CCDC73: variants seen among roughly 807,000 people sequenced by gnomAD.
CCDC73 encodes the protein coiled-coil domain containing 73.
Under a neutral mutation model 116.5 loss-of-function variants are expected in CCDC73, and 95 were observed. The ratio of observed to expected loss-of-function variants is 0.82; its 90% CI spans 0.69 to 0.97. The LOEUF (loss-of-function observed/expected upper bound fraction) is 0.97. CCDC73 is among the 50% of genes least tolerant of loss of function. The pLI is 0.00. For missense variants in CCDC73, 1,066 were observed against 1,206.8 expected, an observed-to-expected ratio of 0.88 and a Z score of 1.73; for synonymous variants, 398 against 401.3, an observed-to-expected ratio of 0.99 and a Z score of 0.10.
At chr11:32,772,682 T>C (rs552369223) in intron 1 of CCDC73, among the ~76,000 whole-genome samples, 3 of 152,300 alleles carry the variant, frequency 2.0e-5, no homozygotes, top group South Asian at 4.1e-4. Context: ...AAAACAAATA[T>C]AGCAGATTTT....
chr11:32,795,990 C>A (rs1437548134), upstream of CCDC73, among the ~76,000 whole-genome samples: 1 of 151,848 alleles, frequency 6.6e-6, no homozygotes, highest in Non-Finnish European at 1.5e-5. Flanking sequence ...GCAGCCGGCC[C>A]CCCGCCCTCA....
At chr11:32,726,630 A>G (rs1460201033) in intron 2 of CCDC73, among the ~76,000 whole-genome samples, 1 of 152,178 alleles carries the variant, frequency 6.6e-6, no homozygotes, top group East Asian at 1.9e-4. Flanking sequence ...AGAAATGCAG[A>G]AAACACATTC....
chr11:32,706,133 T>C (rs1033937143), intron 3 of CCDC73, among the ~76,000 whole-genome samples: 1 of 152,088 alleles, frequency 6.6e-6, no homozygotes, highest in Non-Finnish European at 1.5e-5. Context: ...GACTAAATCT[T>C]TCAGGGGCTA....
At chr11:32,623,710 T>C (rs1420176194) in intron 14 of CCDC73, among the ~76,000 whole-genome samples, 3 of 152,156 alleles carry the variant, frequency 2.0e-5, no homozygotes, top group East Asian at 3.8e-4. Flanking sequence ...AGTATGAGTT[T>C]AAACCAATCT....
At chr11:32,822,462 C>T in the CCDC73 span, among the ~76,000 whole-genome samples, 2 of 152,136 alleles carry the variant, frequency 1.3e-5, no homozygotes, top group Admixed American at 6.5e-5. Context: ...GCTATCTAGG[C>T]CCTTGAGCTC....
chr11:32,749,547 G>T (rs773533342), intron 2 of CCDC73, among the ~76,000 whole-genome samples: 1 of 151,956 alleles, frequency 6.6e-6, no homozygotes, highest in Non-Finnish European at 1.5e-5. Context: ...GTTTGGTGAG[G>T]TATGTTTTTC....
intron 14 of CCDC73, among the ~76,000 whole-genome samples, chr11:32,623,154 A>G (rs1457571131): frequency 6.6e-6 from 1 of 151,908 alleles, no homozygotes; most frequent in Non-Finnish European, 1.5e-5. Flanking sequence ...GATTACAGGC[A>G]TGCCCCCACA....
chr11:32,737,677 TC>T (rs1000910469), intron 2 of CCDC73, among the ~76,000 whole-genome samples: 24 of 152,008 alleles, frequency 1.6e-4, no homozygotes, highest in Non-Finnish European at 2.5e-4. Context: ...CAAGCATTTA[TC>T]CTTTATGTTA....
Position 32,787,462 on chromosome 11 carries a change from TA to T in CCDC73, c.-16+7150del, listed in dbSNP as rs1332231869. Among the ~76,000 whole-genome samples, 3 of 152,296 alleles carry T rather than the reference TA, an allele frequency of 2.0e-5. No homozygotes were observed. The East Asian group carries it at 5.8e-4, about 29-fold the overall frequency. ...ATTGTCTTTTTTATATTTACAACTATAAAAAATTTTCGATTTTTCAGTAACA... is the reference window on the plus strand; with the variant it reads ...ATTGTCTTTTTTATATTTACAACTATAAAAATTTTCGATTTTTCAGTAACA... On this transcript the variant is annotated intron_variant, in intron 1 of 17. Coordinates refer to ENST00000335185, the MANE Select transcript of CCDC73 (RefSeq NM_001008391.4).
chr11:32,663,866 T>C (rs1329691205), intron 9 of CCDC73, among the ~76,000 whole-genome samples: 2 of 152,172 alleles, frequency 1.3e-5, no homozygotes, highest in Non-Finnish European at 2.9e-5. Flanking sequence ...CAATACCTAA[T>C]TTATTGAGAG....
chr11:32,816,774 T>C, the CCDC73 span, among the ~76,000 whole-genome samples: 1 of 152,166 alleles, frequency 6.6e-6, no homozygotes, highest in Non-Finnish European at 1.5e-5. Flanking sequence ...TGGTTTTCTT[T>C]CTTTTTTTCT....
intron 6 of CCDC73, among the ~76,000 whole-genome samples, chr11:32,684,211 C>G (rs1271652301): frequency 6.6e-6 from 1 of 152,062 alleles, no homozygotes; most frequent in Non-Finnish European, 1.5e-5. Context: ...GCCACCACAC[C>G]TGGCTAATTT....
chr11:32,702,986 A>G (rs2133316938), intron 3 of CCDC73, 42 bp from the exon 4 acceptor site: 2 of 1,277,282 alleles, frequency 1.6e-6, no homozygotes, highest in Non-Finnish European at 2.3e-6. Context: ...AAATTCTAGC[A>G]ACTCTCTTTC....
At chr11:32,777,021 AT>A (rs1429930262) in intron 1 of CCDC73, among the ~76,000 whole-genome samples, 6 of 136,958 alleles carry the variant, frequency 4.4e-5, no homozygotes, top group African/African-American at 1.4e-4. Flanking sequence ...ATATATATAT[AT>A]AATTGAACTT....
At chr11:32,653,826 T>G (rs1855847702) in intron 11 of CCDC73, 152 bp downstream of exon 11, 1 of 821,144 alleles carries the variant, frequency 1.2e-6, no homozygotes, top group Non-Finnish European at 1.7e-6. Flanking sequence ...AATGAAAGTA[T>G]ATTGAGACTG....
At chr11:32,655,120 G>A (rs1235413383) in intron 9 of CCDC73, 148 bp from the exon 10 acceptor site, 2 of 95,044 alleles carry the variant, frequency 2.1e-5, no homozygotes, top group Non-Finnish European at 2.0e-5. Flanking sequence ...GATTAGCCAA[G>A]GTGGGAACAT....
At chr11:32,636,947 T>C (rs1002100119) in intron 13 of CCDC73, among the ~76,000 whole-genome samples, 1 of 151,852 alleles carries the variant, frequency 6.6e-6, no homozygotes, top group Non-Finnish European at 1.5e-5. Flanking sequence ...CCTACAAATA[T>C]GCTTTACACA....
chr11:32,737,471 G>A (rs571675498), intron 2 of CCDC73, among the ~76,000 whole-genome samples: 147 of 152,066 alleles, frequency 9.7e-4, no homozygotes, highest in African/African-American at 2.7e-3. Flanking sequence ...AAATTAGCCC[G>A]TGAGGGCATG....
chr11:32,756,827 T>C (rs1056309156), intron 2 of CCDC73, among the ~76,000 whole-genome samples: 12 of 152,066 alleles, frequency 7.9e-5, no homozygotes, highest in African/African-American at 1.7e-4. Context: ...AAATGCTAAA[T>C]AAAAAGATCT....
Sources: gnomAD v4.1 joint callset for allele counts (sites outside exome capture counted in the v4.1 genomes callset) on GRCh38, gnomAD v4.1.1 for gene constraint, MANE v1.5 for transcripts, NCBI Gene and HGNC (gene_info 2026-07-23, HGNC 2026-07-21) for gene names.